Variants in PTPRC observed in about 807,000 individuals in gnomAD.
The protein encoded by PTPRC is protein tyrosine phosphatase receptor type C.
A neutral mutation model predicts 155.9 loss-of-function variants in PTPRC; 44 were observed. The observed-to-expected ratio is 0.28, with a 90% CI of 0.22 to 0.36. The LOEUF (loss-of-function observed/expected upper bound fraction) is 0.36. Ranked by LOEUF, PTPRC falls within the 10% of genes least tolerant of loss-of-function variation. The pLI is 1.00. For synonymous variants in PTPRC, 525 were observed against 533.1 expected (o/e 0.98, Z 0.21); for missense variants, 1,401 against 1,564.6 (o/e 0.90, Z 1.76).
chr1:198,705,048 CT>C (rs1031676148), intron 8 of PTPRC, among the ~76,000 whole-genome samples: 3 of 152,022 alleles, frequency 2.0e-5, no homozygotes, highest in African/African-American at 7.2e-5. Flanking sequence ...AAAAATCTCT[CT>C]TTTTCTCTCT....
In PTPRC at chr1:198,718,269, A is replaced by C. The variant is rs1237473864; in HGVS notation, c.1626A>C (p.Lys542Asn). 5.0e-6 allele frequency: 8 copies of C among 1,613,774 alleles called. No individual in the cohort carries two copies. The Admixed American group carries it at 5.0e-5, about 10-fold the overall frequency. The change falls in exon 14 of 33, where the codon AAA becomes AAC. Residue 542 changes from lysine (K) to asparagine (N), a missense_variant. By Grantham distance (94) the Lys-to-Asn change is moderately conservative. Around this residue, in one of 3 missense-constraint regions of PTPRC, gnomAD observed 867 missense variants for 970.4 expected, o/e 0.89. Transcript: ENST00000442510. Reference sequence around the variant, plus strand: ...ATAAGAATTGCGATTTCCGTGTAAAAGATCTTCAATATTCAACAGACTACA... The same window carrying C: ...ATAAGAATTGCGATTTCCGTGTAAACGATCTTCAATATTCAACAGACTACA... Reference protein sequence around the residue: ...ESHKNCDFRVKDLQYSTDYTF... With the variant: ...ESHKNCDFRVNDLQYSTDYTF...
intron 17 of PTPRC, among the ~76,000 whole-genome samples, chr1:198,730,199 C>T (rs1654324879): frequency 1.3e-5 from 2 of 152,092 alleles, no homozygotes; most frequent in Non-Finnish European, 2.9e-5. Context: ...GGAATAATTT[C>T]AGAACTCCTT....
At chr1:198,702,076 A>G (rs979862863) in intron 5 of PTPRC, among the ~76,000 whole-genome samples, 17 of 152,136 alleles carry the variant, frequency 1.1e-4, no homozygotes, top group Non-Finnish European at 2.4e-4. Context: ...TGCATTTTTT[A>G]TATTGCCTAA....
At chr1:198,719,757 C>T (rs1211967939) in intron 14 of PTPRC, among the ~76,000 whole-genome samples, 2 of 151,694 alleles carry the variant, frequency 1.3e-5, no homozygotes, top group African/African-American at 4.8e-5. Flanking sequence ...ATTACAGGCA[C>T]CTGCCACCAC....
chr1:198,649,960 T>C (rs1348628705), intron 2 of PTPRC, among the ~76,000 whole-genome samples: 1 of 151,852 alleles, frequency 6.6e-6, no homozygotes, highest in Non-Finnish European at 1.5e-5. Context: ...GAATGCACTT[T>C]TAGACAGAGT....
At chr1:198,653,942 T>C (rs1389012418) in intron 2 of PTPRC, among the ~76,000 whole-genome samples, 1 of 151,906 alleles carries the variant, frequency 6.6e-6, no homozygotes, top group Non-Finnish European at 1.5e-5. Context: ...TTGCCTTTTT[T>C]CTAGGCCTCC....
intron 2 of PTPRC, among the ~76,000 whole-genome samples, chr1:198,678,752 C>CT (rs201060607): frequency 0.11 from 15,412 of 146,020 alleles, 907 homozygotes; most frequent in East Asian, 0.16. Context: ...TTTTCTTTTT[C>CT]TTTTTTTTTT....
At chr1:198,725,599 C>T (rs1654096280) in intron 15 of PTPRC, among the ~76,000 whole-genome samples, 2 of 152,030 alleles carry the variant, frequency 1.3e-5, no homozygotes, top group Admixed American at 1.3e-4. Flanking sequence ...TAGTCCTGTG[C>T]CTCATCCCTT....
chr1:198,749,585 C>G, intron 28 of PTPRC, 36 bp downstream of exon 28: 1 of 1,589,128 alleles, frequency 6.3e-7, no homozygotes, highest in African/African-American at 1.3e-5. Context: ...AAGATCCAAA[C>G]ATTTTAAAAT....
chr1:198,726,947 C>T (rs765250557), intron 15 of PTPRC, among the ~76,000 whole-genome samples: 1 of 150,796 alleles, frequency 6.6e-6, no homozygotes, highest in South Asian at 2.1e-4. Context: ...ACTGCAACCT[C>T]TGCCTCCTCG....
intron 3 of PTPRC, among the ~76,000 whole-genome samples, chr1:198,695,329 A>T (rs1666143425): frequency 6.7e-6 from 1 of 148,292 alleles, no homozygotes. Context: ...AACTGATTTA[A>T]TTATTTTTTG....
At chr1:198,681,850 T>C (rs544941360) in intron 2 of PTPRC, among the ~76,000 whole-genome samples, 1 of 152,316 alleles carries the variant, frequency 6.6e-6, no homozygotes, top group Middle Eastern at 3.4e-3. Context: ...CACAAATCAA[T>C]CTGAAATTCA....
intron 31 of PTPRC, 139 bp from the exon 32 acceptor site, chr1:198,754,130 G>A: frequency 9.7e-7 from 1 of 1,035,522 alleles, no homozygotes; most frequent in Non-Finnish European, 1.4e-6. Flanking sequence ...AAATAATTTG[G>A]TTCTTGAAAG....
Position 198,708,216 on chromosome 1 carries a change from A to G in PTPRC, c.988A>G (p.Thr330Ala). The G allele has an allele frequency of 6.2e-7, 1 of 1,606,374 alleles. No individual in the cohort carries two copies. Among genetic ancestry groups the G allele is most frequent in the Non-Finnish European group, 8.5e-7 (1 of 1,173,726 alleles). Residue 330 changes from threonine (T) to alanine (A), a missense_variant, in exon 10 of 33, where the codon ACC becomes GCC. Thr to Ala is a moderately conservative substitution (Grantham distance 58). Around this residue, in one of 3 missense-constraint regions of PTPRC, gnomAD observed 867 missense variants for 970.4 expected, o/e 0.89. Transcript: ENST00000442510. ...TICLKWKNIE[T>A]FTCDTQNITY... ...TTGTTTAAAATGGAAAAATATTGAA[A>G]CCTTTACTTGTGATACACAGAATAT... is the stretch of plus-strand genomic sequence containing the variant.
At position 198,756,563 on chromosome 1, in the gene PTPRC, G is replaced by GAAGT. The variant is rs1415517726; in HGVS notation, c.*383_*386dup. 2 of 202,120 alleles carry GAAGT rather than the reference G, an allele frequency of 9.9e-6. No individual in the cohort carries two copies. Among genetic ancestry groups the GAAGT allele is most frequent in the African/African-American group, 4.8e-5 (2 of 41,290 alleles). The allele number at this position is 202,120 out of a possible 1,614,324, so 12.5% of individuals were successfully genotyped here. ...TGAAGAAAAAATACATTTTATATTA[G>GAAGT]AAGTGTTAACTTAGCTTGAAGGATC... On this transcript the variant is annotated 3_prime_UTR_variant, in exon 33 of 33. Transcript: ENST00000442510.
At chr1:198,735,960 T>C (rs1654617284) in intron 23 of PTPRC, among the ~76,000 whole-genome samples, 1 of 151,576 alleles carries the variant, frequency 6.6e-6, no homozygotes, top group South Asian at 2.1e-4. Context: ...GAATGTAATA[T>C]GAATACCAAA....
intron 2 of PTPRC, among the ~76,000 whole-genome samples, chr1:198,665,842 A>G (rs1283018374): frequency 6.6e-6 from 1 of 152,226 alleles, no homozygotes; most frequent in African/African-American, 2.4e-5. Flanking sequence ...AAATGAGAAC[A>G]TGGAAAAACA....
intron 2 of PTPRC, among the ~76,000 whole-genome samples, chr1:198,651,292 T>TG (rs1663232721): frequency 6.8e-6 from 1 of 147,800 alleles, no homozygotes; most frequent in Non-Finnish European, 1.5e-5. Context: ...CAGATTGGGA[T>TG]TGTGTGTGTG....
chr1:198,743,100 A>G (rs1305413584), intron 25 of PTPRC, among the ~76,000 whole-genome samples: 2 of 150,034 alleles, frequency 1.3e-5, no homozygotes, highest in Non-Finnish European at 3.0e-5. Context: ...TGAAATACAT[A>G]TCAATGAAAG....
Sources: gnomAD v4.1 joint callset for allele counts (sites outside exome capture counted in the v4.1 genomes callset) on GRCh38, gnomAD v4.1.1 for gene constraint, gnomAD v4.1.1 regional missense constraint, MANE v1.5 for transcripts, NCBI Gene and HGNC (gene_info 2026-07-23, HGNC 2026-07-21) for gene names.